Variants in CCDC77 observed in about 807,000 individuals in gnomAD.
The protein encoded by CCDC77 is coiled-coil domain containing 77.
In CCDC77, 56 loss-of-function variants were observed where a neutral mutation model predicts 66.8. The observed-to-expected ratio is 0.84, with a 90% confidence interval of 0.68 to 1.05. CCDC77 has a LOEUF of 1.05. Among genes scored for constraint, CCDC77 ranks in the 50% least tolerant of loss-of-function variants. The pLI is 0.00. For synonymous variants in CCDC77, 196 were observed against 195.2 expected (o/e 1.00, Z -0.03); for missense variants, 570 against 576.8 (o/e 0.99, Z 0.12).
intron 8 of CCDC77, among the ~76,000 whole-genome samples, chr12:432,605 A>G (rs952832225): frequency 6.6e-6 from 1 of 152,198 alleles, no homozygotes; most frequent in Non-Finnish European, 1.5e-5. Context: ...TTAAAGGGAG[A>G]CAGTCAAGGG....
At chr12:389,400 C>T (rs1360330225) in exon 1 of CCDC77, 3 of 539,432 alleles carry the variant, frequency 5.6e-6, no homozygotes, top group African/African-American at 1.9e-5. Context: ...CCTTCTTCTT[C>T]TCTTCCCCGG....
chr12:423,470 GTTTTTTGTGTTTTTTTTTGTTT>G (rs1391772978), intron 5 of CCDC77, among the ~76,000 whole-genome samples: 35 of 44,872 alleles, frequency 7.8e-4, no homozygotes, highest in Admixed American at 1.3e-3. Context: ...TGTTTTTTGT[GTTTTTTGTGTTTTTTTTTGTTT>G]TGTTTTTTTT....
chr12:440,932 G>A lies in CCDC77; in HGVS notation c.1256G>A (p.Gly419Asp), dbSNP rs749755058. 1 of 1,613,602 alleles carries A rather than the reference G, an allele frequency of 6.2e-7. No homozygotes were observed. The highest frequency in any genetic ancestry group is 1.7e-5 in the Admixed American group (1 of 60,018). Reference sequence around the variant, plus strand: ...CGTCGACGTATCCTGGAAGTAGAAGGCTTTAAGACAGATATTAAAGTTCTC... The same window carrying A: ...CGTCGACGTATCCTGGAAGTAGAAGACTTTAAGACAGATATTAAAGTTCTC... Reference protein sequence around the residue: ...LERRRILEVEGFKTDIKVLRQ... With the variant: ...LERRRILEVEDFKTDIKVLRQ... Residue 419 changes from glycine (G) to aspartate (D), a missense_variant, in exon 12 of 13, where the codon GGC (glycine) becomes GAC (aspartate). Physicochemically the swap from Gly to Asp is moderately conservative, Grantham distance 94 (BLOSUM62 -1). Coordinates refer to ENST00000239830, the MANE Select transcript of CCDC77 (RefSeq NM_032358.4).
rs1565557449 is a variant in CCDC77 at position 389,545 on chromosome 12, C to CCGGCGGGG, written c.-113+61_-113+62insGCGGGGCG. The CCGGCGGGG allele has an allele frequency of 8.1e-3, 269 of 33,250 alleles. 2 individuals carry two copies. The highest frequency in any genetic ancestry group is 0.062 in the African/African-American group (259 of 4,168). 2.1% of individuals were successfully genotyped at this position (33,250 alleles called of 1,614,324 possible). On this transcript the variant is annotated intron_variant, in intron 1 of 11. Coordinates refer to the CCDC77 transcript ENST00000422000. Reference sequence around the variant, plus strand: ...TACTAGAGGTACGGATTGAGGGAAGCCGACGGGGCGAGGCGGGGCGAGGCG... The same window carrying CCGGCGGGG: ...TACTAGAGGTACGGATTGAGGGAAGCCGGCGGGGCGACGGGGCGAGGCGGGGCGAGGCG...
intron 1 of CCDC77, among the ~76,000 whole-genome samples, chr12:403,279 CAATAAT>C (rs1288891460): frequency 2.0e-5 from 3 of 152,060 alleles, no homozygotes; most frequent in African/African-American, 7.2e-5. Flanking sequence ...GTAAAATTGT[CAATAAT>C]AATAATAGTC....
Position 415,432 on chromosome 12 carries a change from A to T in CCDC77, c.271-3062A>T, listed in dbSNP as rs202186462. On this transcript the variant is annotated intron_variant, in intron 4 of 12. Transcript: ENST00000239830. ...TATGTTGATATTATTAACATAATTA[A>T]CATAATAATATGTTAATATTAACAT... Among the ~76,000 whole-genome samples, 86 of 125,434 alleles carry T rather than the reference A, an allele frequency of 6.9e-4. 4 individuals are homozygous for T. The highest frequency in any genetic ancestry group is 7.9e-3 in the Middle Eastern group (2 of 254). 82.3% of individuals were successfully genotyped at this position (125,434 alleles called of 152,430 possible).
intron 1 of CCDC77, among the ~76,000 whole-genome samples, chr12:390,447 T>C (rs1933894022): frequency 6.6e-6 from 1 of 152,244 alleles, no homozygotes; most frequent in Non-Finnish European, 1.5e-5. Flanking sequence ...GTGGTGACTT[T>C]AGTACACCAT....
chr12:414,563 C>A (rs1357859531), intron 4 of CCDC77, among the ~76,000 whole-genome samples: 2 of 152,174 alleles, frequency 1.3e-5, no homozygotes, highest in African/African-American at 2.4e-5. Context: ...GGGATGATGA[C>A]TGTTAAATAA....
intron 1 of CCDC77, chr12:389,570 G>GAGGTGGAA (rs1565557522): frequency 3.4e-5 from 8 of 238,146 alleles, no homozygotes; most frequent in Non-Finnish European, 6.8e-5. Flanking sequence ...GGGGCGAGGC[G>GAGGTGGAA]CAACGAGGCG....
At chr12:398,230 G>T (rs1944853175), upstream of CCDC77, among the ~76,000 whole-genome samples, 2 of 152,158 alleles carry the variant, frequency 1.3e-5, no homozygotes, top group Admixed American at 1.3e-4. Flanking sequence ...TTTCAAAGTT[G>T]AAGTCAATCC....
At chr12:435,142 A>C (rs1180657114) in intron 9 of CCDC77, among the ~76,000 whole-genome samples, 2 of 138,134 alleles carry the variant, frequency 1.4e-5, no homozygotes, top group Non-Finnish European at 3.1e-5. Flanking sequence ...ATCTAGTTTC[A>C]TGGTATCACA....
upstream of CCDC77, among the ~76,000 whole-genome samples, chr12:398,413 G>A (rs1233522512): frequency 3.3e-5 from 5 of 150,998 alleles, no homozygotes; most frequent in South Asian, 1.0e-3. Flanking sequence ...TCATGAGATT[G>A]CAGCAATTCA....
In CCDC77 at chr12:440,876, G is replaced by A. The variant is rs749630308; in HGVS notation, c.1200G>A (p.Gln400=). The change falls in exon 12 of 13, where the codon CAG becomes CAA. Residue 400 remains glutamine, a synonymous_variant. Transcript: ENST00000239830. ...CTAACAAGATGGGGAAGCGTTTACAGATAATGACAAAACGCTATGAGGCAT... is the reference window on the plus strand; with the variant it reads ...CTAACAAGATGGGGAAGCGTTTACAAATAATGACAAAACGCTATGAGGCAT... ...DRTNKMGKRL[Q]IMTKRYEALE... is the part of the protein sequence containing the mutation. 3.1e-6 allele frequency: 5 copies of A among 1,613,794 alleles called. No individual in the cohort carries two copies. The South Asian group carries it at 4.4e-5, about 14-fold the overall frequency.
upstream of CCDC77, among the ~76,000 whole-genome samples, chr12:400,836 G>T (rs1409451058): frequency 6.6e-6 from 1 of 152,164 alleles, no homozygotes; most frequent in Admixed American, 6.5e-5. Flanking sequence ...AAATGGCGCA[G>T]ATAGATTTGG....
chr12:389,461 C>T, exon 1 of CCDC77: 4 of 430,616 alleles, frequency 9.3e-6, no homozygotes, highest in South Asian at 9.1e-5. Context: ...CTGCCCAGTC[C>T]AACGACTCCA....
chr12:440,683 T>G lies in CCDC77; in HGVS notation c.1108T>G (p.Leu370Val). 6.2e-7 allele frequency: 1 copy of G among 1,614,206 alleles called. No homozygotes were observed. The highest frequency in any genetic ancestry group is 8.5e-7 in the Non-Finnish European group (1 of 1,180,048). ...SNMYQEQCISLEEELARIREE... is the reference protein window; with the variant it reads ...SNMYQEQCISVEEELARIREE... ...TATGTACCAAGAGCAGTGCATTTCCTTAGAAGAAGAACTTGCCCGAATTCG... is the reference window on the plus strand; with the variant it reads ...TATGTACCAAGAGCAGTGCATTTCCGTAGAAGAAGAACTTGCCCGAATTCG... Residue 370 changes from leucine to valine, a missense_variant, in exon 11 of 13, where the codon TTA becomes GTA. Leu to Val is a conservative substitution (Grantham distance 32). Coordinates refer to ENST00000239830, the MANE Select transcript of CCDC77 (RefSeq NM_032358.4).
chr12:431,033 T>G (rs538107622), intron 7 of CCDC77, among the ~76,000 whole-genome samples: 117 of 138,688 alleles, frequency 8.4e-4, no homozygotes, highest in Non-Finnish European at 1.6e-3. Context: ...TGAGCTGAGA[T>G]CGTGCCATTG....
At chr12:417,960 T>C (rs555776505) in intron 4 of CCDC77, among the ~76,000 whole-genome samples, 31 of 152,120 alleles carry the variant, frequency 2.0e-4, no homozygotes, top group African/African-American at 5.5e-4. Context: ...TTCTATAGTC[T>C]GTAAAAGGAA....
At chr12:391,683 C>G (rs770557844) in intron 1 of CCDC77, among the ~76,000 whole-genome samples, 21 of 152,150 alleles carry the variant, frequency 1.4e-4, no homozygotes, top group Admixed American at 1.3e-4. Flanking sequence ...TTGATTGGTC[C>G]TATTTATTTC....
Sources: gnomAD v4.1 joint callset for allele counts (sites outside exome capture counted in the v4.1 genomes callset) on GRCh38, gnomAD v4.1.1 for gene constraint, MANE v1.5 for transcripts, NCBI Gene and HGNC (gene_info 2026-07-23, HGNC 2026-07-21) for gene names.